The following FAS variants were observed in gnomAD, a reference collection of about 807,000 sequenced individuals.
FAS encodes tumor necrosis factor receptor superfamily member 6.
Under a neutral mutation model 33.2 loss-of-function variants are expected in FAS, and 5 were observed. The observed-to-expected ratio is 0.15, with a 90% confidence interval of 0.08 to 0.32. FAS has a LOEUF of 0.32. FAS is among the 10% of genes least tolerant of loss of function. The pLI, the probability that FAS is intolerant of heterozygous loss-of-function variation, is 1.00. For synonymous variants in FAS, 131 were observed against 130.7 expected (o/e 1.00, Z -0.01); for missense variants, 339 against 386.0 (o/e 0.88, Z 1.02).
chr10:89,004,526 C>T (rs1430031849), intron 2 of FAS, among the ~76,000 whole-genome samples: 2 of 143,898 alleles, frequency 1.4e-5, no homozygotes, highest in Non-Finnish European at 3.0e-5. Flanking sequence ...TCCCCCCAAC[C>T]CACTGTTTAT....
At chr10:88,990,792 A>G (rs1286435110), upstream of FAS, 2 of 1,578,824 alleles carry the variant, frequency 1.3e-6, no homozygotes, top group South Asian at 1.1e-5. The surrounding 1 kb of genome is among the most constrained non-coding windows in gnomAD (Gnocchi z 4.9). Flanking sequence ...GCCCAGGCGG[A>G]GCTGCCTCTT....
rs1402236422 is a variant in FAS at position 88,965,462 on chromosome 10, T to C, written n.95-7720T>C. 1.3e-5 allele frequency among the ~76,000 whole-genome samples: 2 copies of C among 152,200 alleles called. 1 individual carries two copies. Among genetic ancestry groups the C allele is most frequent in the Admixed American group, 1.3e-4 (2 of 15,266 alleles). ...TAAGGGACATTCTCTGGCTGTAGGC[T>C]TTCTTTAGCACATTTCAGGATTATT... On this transcript the variant is annotated intron_variant and non_coding_transcript_variant, in intron 1 of 3. Coordinates refer to the FAS transcript ENST00000688239.
chr10:89,007,314 CTCAGTGG>C (rs1848282781), intron 2 of FAS, among the ~76,000 whole-genome samples: 1 of 152,212 alleles, frequency 6.6e-6, no homozygotes, highest in Non-Finnish European at 1.5e-5. Context: ...GTTTGATAAT[CTCAGTGG>C]CCAGTAACAG....
intron 4 of FAS, 71 bp downstream of exon 4, chr10:89,009,068 A>G (rs12720436): frequency 0.011 from 14,069 of 1,332,232 alleles, 105 homozygotes; most frequent in Middle Eastern, 0.024. Context: ...TAGGGAAGTA[A>G]CACTGACTGA....
At chr10:88,994,870 T>C (rs751486755) in intron 1 of FAS, among the ~76,000 whole-genome samples, 8 of 151,432 alleles carry the variant, frequency 5.3e-5, no homozygotes, top group Non-Finnish European at 1.0e-4. Context: ...AAAAAAGCAT[T>C]TCTTAAATGT....
chr10:88,992,724 T>A (rs1847321063), intron 1 of FAS, among the ~76,000 whole-genome samples: 1 of 152,170 alleles, frequency 6.6e-6, no homozygotes, highest in African/African-American at 2.4e-5. Flanking sequence ...ATCACCTAAG[T>A]AATCATTGTT....
intron 6 of FAS, chr10:89,011,074 G>C (rs559526912): frequency 7.5e-5 from 40 of 532,482 alleles, no homozygotes; most frequent in African/African-American, 7.0e-4. Context: ...TGCAGCAGCA[G>C]AATTGGCCAA....
chr10:88,995,638 G>C (rs913258240), intron 1 of FAS, among the ~76,000 whole-genome samples: 3 of 152,140 alleles, frequency 2.0e-5, no homozygotes, highest in Admixed American at 2.0e-4. Flanking sequence ...GACCAGCCTG[G>C]CCAACATGGC....
At chr10:88,973,830 CT>C (rs1400321914) in intron 2 of FAS, 1 of 152,332 alleles carries the variant, frequency 6.6e-6, no homozygotes, top group African/African-American at 2.4e-5. Context: ...GAGACAGAGT[CT>C]CACTCTGTCG....
intron 2 of FAS, among the ~76,000 whole-genome samples, chr10:88,975,330 AATGAGGTATTAGCTCC>A (rs1408561253): frequency 6.6e-6 from 1 of 152,206 alleles, no homozygotes; most frequent in Non-Finnish European, 1.5e-5. Context: ...TGTGCATTTG[AATGAGGTATTAGCTCC>A]ATGCAGAAAA....
intron 1 of FAS, among the ~76,000 whole-genome samples, chr10:88,992,802 A>G (rs1847330971): frequency 6.6e-6 from 1 of 152,126 alleles, no homozygotes; most frequent in South Asian, 2.1e-4. Context: ...TTACACAGAA[A>G]TTGGTTTTGC....
In FAS at chr10:89,015,265, CAA is replaced by C; in HGVS notation, c.*820_*821del. The C allele has an allele frequency of 1.9e-6, 1 of 534,662 alleles. No individual in the cohort carries two copies. The highest frequency in any genetic ancestry group is 3.6e-6 in the Non-Finnish European group (1 of 276,676). 33.1% of individuals were successfully genotyped at this position (534,662 alleles called of 1,614,324 possible). A position where few individuals can be genotyped will look rare whatever the true frequency, so the allele number is the denominator to read the frequency against. On this transcript the variant is annotated 3_prime_UTR_variant, in exon 9 of 9. Transcript: ENST00000652046. ...GCACCCCCAAACATGGAAATATCAC[CAA>C]AAAATACTTAATAGTCCACCAAAAG... is the stretch of plus-strand genomic sequence containing the variant.
chr10:89,010,084 C>CCT (rs9658760), intron 4 of FAS, among the ~76,000 whole-genome samples: 2,308 of 152,230 alleles, frequency 0.015, 63 homozygotes, highest in African/African-American at 0.052. Context: ...AAAGTGGCAG[C>CCT]CTCTAAGGGC....
chr10:88,995,045 A>G (rs1847501958), intron 1 of FAS, among the ~76,000 whole-genome samples: 1 of 152,084 alleles, frequency 6.6e-6, no homozygotes, highest in Admixed American at 6.5e-5. Context: ...CTTATAAGGT[A>G]CAACACTACA....
upstream of FAS, among the ~76,000 whole-genome samples, chr10:88,988,471 A>G (rs1483857683): frequency 7.1e-6 from 1 of 140,272 alleles, no homozygotes; most frequent in Admixed American, 7.4e-5. Context: ...TTTTTTACAT[A>G]GTCAAGATTC....
intron 1 of FAS, among the ~76,000 whole-genome samples, chr10:88,996,716 A>G (rs889247854): frequency 2.0e-5 from 3 of 152,258 alleles, no homozygotes; most frequent in African/African-American, 7.2e-5. Flanking sequence ...AAATATGTAC[A>G]TAATTCAAGA....
chr10:89,006,870 C>T (rs548683517), intron 2 of FAS, among the ~76,000 whole-genome samples: 26 of 117,426 alleles, frequency 2.2e-4, no homozygotes, highest in Middle Eastern at 3.9e-3. Context: ...AATAGCAATA[C>T]AGTGACAAAC....
At chr10:88,989,576 GGTGGTAA>G (rs1187520377), upstream of FAS, 1 of 540,598 alleles carries the variant, frequency 1.8e-6, no homozygotes, top group Non-Finnish European at 3.7e-6. Flanking sequence ...CTACAAGACT[GGTGGTAA>G]GTGCAGTGAC....
chr10:89,014,512 A>C lies in FAS; in HGVS notation c.*62A>C. 6.7e-7 allele frequency: 1 copy of C among 1,486,496 alleles called. No individual in the cohort carries two copies. Among genetic ancestry groups the C allele is most frequent in the Non-Finnish European group, 9.2e-7 (1 of 1,085,190 alleles). 92.1% of individuals were successfully genotyped at this position (1,486,496 alleles called of 1,614,324 possible). ...ATTAGTGTTTGAAAAGATTCTTAATAGCTGGCTGTAAATACTGCTTGGTTT... is the reference window on the plus strand; with the variant it reads ...ATTAGTGTTTGAAAAGATTCTTAATCGCTGGCTGTAAATACTGCTTGGTTT... On this transcript the variant is annotated 3_prime_UTR_variant, in exon 9 of 9. Transcript: ENST00000652046.
Sources: gnomAD v4.1 joint callset for allele counts (sites outside exome capture counted in the v4.1 genomes callset) on GRCh38, gnomAD v4.1.1 for gene constraint, Gnocchi (gnomAD v3.1) non-coding constraint, MANE v1.5 for transcripts, NCBI Gene and HGNC (gene_info 2026-07-23, HGNC 2026-07-21) for gene names.